SLC24A2: variants seen among roughly 807,000 people sequenced by gnomAD.
SLC24A2 encodes solute carrier family 24 member 2.
SLC24A2 carries 36 observed loss-of-function variants against 62.0 expected under a neutral mutation model. The observed-to-expected ratio is 0.58, with a 90% confidence interval of 0.44 to 0.77. The LOEUF is 0.77. Among genes scored for constraint, SLC24A2 ranks in the 30% least tolerant of loss-of-function variants. The probability of loss-of-function intolerance (pLI) is 0.00; values close to 1 mark genes in which losing one functional copy is unlikely to be tolerated. For missense variants in SLC24A2, 846 were observed against 817.9 expected, an observed-to-expected ratio of 1.03 and a Z score of -0.42; for synonymous variants, 358 against 294.0, an observed-to-expected ratio of 1.22 and a Z score of -2.23.
At chr9:19,834,229 G>T in the SLC24A2 span, among the ~76,000 whole-genome samples, 1 of 152,164 alleles carries the variant, frequency 6.6e-6, no homozygotes, top group Non-Finnish European at 1.5e-5. Context: ...GATGGAGAAT[G>T]ACTTTGACAA....
Position 19,597,233 on chromosome 9 carries a change from T to C in SLC24A2, c.1125A>G (p.Glu375=). 6.3e-7 allele frequency: 1 copy of C among 1,579,066 alleles called. No homozygotes were observed. Among genetic ancestry groups the C allele is most frequent in the Non-Finnish European group, 8.7e-7 (1 of 1,148,236 alleles). Residue 375 remains glutamate, a synonymous_variant, in exon 5 of 11, where the codon GAA becomes GAG. Transcript: ENST00000341998. ...GKLKYYDTMT[E]EGRFREKASI... ...CAATTCTAAAATCATTCTTACCTTC[T>C]TCAGTCATTGTGTCATAATATTTTA...
the SLC24A2 span, among the ~76,000 whole-genome samples, chr9:19,916,981 G>GTTTTTTTTTTTTTTTTTTTTTTTTTTTTT: frequency 1.4e-5 from 1 of 72,022 alleles, no homozygotes; most frequent in Non-Finnish European, 2.5e-5. Flanking sequence ...TAACTTACCT[G>GTTTTTTTTTTTTTTTTTTTTTTTTTTTTT]TTTTTTTTTT....
intron 4 of SLC24A2, among the ~76,000 whole-genome samples, chr9:19,605,912 C>A (rs549028764): frequency 1.0e-3 from 155 of 152,350 alleles, no homozygotes; most frequent in Middle Eastern, 3.4e-3. Context: ...GGGTTCAAAC[C>A]AAGGTGGCTG....
intron 4 of SLC24A2, among the ~76,000 whole-genome samples, chr9:19,610,103 A>C (rs1837109725): frequency 6.6e-6 from 1 of 151,806 alleles, no homozygotes. Flanking sequence ...AATTATTCCT[A>C]CTCCTATGTT....
intron 2 of SLC24A2, among the ~76,000 whole-genome samples, chr9:19,728,486 A>T (rs1192878467): frequency 6.6e-6 from 1 of 151,888 alleles, no homozygotes; most frequent in Non-Finnish European, 1.5e-5. Flanking sequence ...TCAGCTCAGG[A>T]GACTACACCT....
intron 2 of SLC24A2, among the ~76,000 whole-genome samples, chr9:19,676,837 T>C (rs1335270548): frequency 1.3e-5 from 2 of 152,226 alleles, no homozygotes; most frequent in Admixed American, 1.3e-4. Context: ...AAGAGAATTC[T>C]TTATTAACAT....
chr9:19,903,245 T>C, the SLC24A2 span, among the ~76,000 whole-genome samples: 1 of 152,054 alleles, frequency 6.6e-6, no homozygotes, highest in Non-Finnish European at 1.5e-5. Flanking sequence ...GCCAGCCTGG[T>C]TGGGTTGTTG....
At chr9:19,893,062 G>A in the SLC24A2 span, among the ~76,000 whole-genome samples, 1 of 152,160 alleles carries the variant, frequency 6.6e-6, no homozygotes, top group Non-Finnish European at 1.5e-5. Flanking sequence ...TTCCACCAAA[G>A]AGAACTTCGT....
chr9:20,078,191 C>A, the SLC24A2 span, among the ~76,000 whole-genome samples: 30 of 152,166 alleles, frequency 2.0e-4, no homozygotes, highest in African/African-American at 6.8e-4. Flanking sequence ...GCTTCAGTGC[C>A]AGACTGTGCA....
At chr9:20,056,840 T>C in the SLC24A2 span, among the ~76,000 whole-genome samples, 1 of 152,210 alleles carries the variant, frequency 6.6e-6, no homozygotes, top group African/African-American at 2.4e-5. Context: ...TCCATCCTCT[T>C]GAATGACACT....
At chr9:20,289,265 G>C in the SLC24A2 span, among the ~76,000 whole-genome samples, 1 of 152,198 alleles carries the variant, frequency 6.6e-6, no homozygotes. Flanking sequence ...TAACAGTTAA[G>C]TTTTATGTCC....
intron 2 of SLC24A2, among the ~76,000 whole-genome samples, chr9:19,727,125 T>C (rs74566444): frequency 0.021 from 3,137 of 152,256 alleles, 115 homozygotes; most frequent in African/African-American, 0.071. Context: ...AGCAGTTCTG[T>C]GTCTGTGGGC....
chr9:20,001,791 A>G, the SLC24A2 span, among the ~76,000 whole-genome samples: 1 of 152,196 alleles, frequency 6.6e-6, no homozygotes, highest in Non-Finnish European at 1.5e-5. Flanking sequence ...CTCCCAAAGA[A>G]AAAAAGCTTC....
At chr9:20,156,965 C>A in the SLC24A2 span, among the ~76,000 whole-genome samples, 23,429 of 151,584 alleles carry the variant, frequency 0.15, 2,490 homozygotes, top group East Asian at 0.4. Flanking sequence ...AGTGGTTATC[C>A]TGAGAAATTA....
the SLC24A2 span, among the ~76,000 whole-genome samples, chr9:20,221,788 A>G: frequency 1.3e-5 from 2 of 152,116 alleles, no homozygotes; most frequent in Non-Finnish European, 2.9e-5. Flanking sequence ...CAGTGCTGAC[A>G]GGAAGTAACT....
At chr9:19,615,751 G>C (rs1015056644) in intron 4 of SLC24A2, among the ~76,000 whole-genome samples, 12 of 152,124 alleles carry the variant, frequency 7.9e-5, no homozygotes, top group Non-Finnish European at 1.6e-4. Context: ...GCTACAGCAG[G>C]AATACAGTTT....
At chr9:20,210,668 T>C in the SLC24A2 span, among the ~76,000 whole-genome samples, 2 of 109,704 alleles carry the variant, frequency 1.8e-5, no homozygotes, top group Non-Finnish European at 3.9e-5. Flanking sequence ...TTTTTTTTTT[T>C]TTTTTTTCTG....
chr9:19,683,232 A>G (rs1255834884), intron 2 of SLC24A2, among the ~76,000 whole-genome samples: 5 of 152,174 alleles, frequency 3.3e-5, no homozygotes, highest in Non-Finnish European at 7.3e-5. Context: ...CCCACAGGCA[A>G]GATGCAGTTT....
At chr9:19,627,954 A>G (rs1187803577) in intron 2 of SLC24A2, among the ~76,000 whole-genome samples, 1 of 152,336 alleles carries the variant, frequency 6.6e-6, no homozygotes, top group Middle Eastern at 3.4e-3. Context: ...ATTCCAAATA[A>G]TTATCTTGTG....
Sources: gnomAD v4.1 joint callset for allele counts (sites outside exome capture counted in the v4.1 genomes callset) on GRCh38, gnomAD v4.1.1 for gene constraint, MANE v1.5 for transcripts, NCBI Gene and HGNC (gene_info 2026-07-23, HGNC 2026-07-21) for gene names.